The following PAPOLA variants were observed in gnomAD, a reference collection of about 807,000 sequenced individuals.
The protein encoded by PAPOLA is polynucleotide adenylyltransferase alpha.
Under a neutral mutation model 100.6 loss-of-function variants are expected in PAPOLA, and 15 were observed. The observed-to-expected ratio is 0.15, with a 90% CI of 0.10 to 0.23. PAPOLA has a LOEUF of 0.23. PAPOLA is among the 10% of genes least tolerant of loss of function. The pLI, the probability that PAPOLA is intolerant of heterozygous loss-of-function variation, is 1.00. For synonymous variants in PAPOLA, 293 were observed against 300.0 expected, an observed-to-expected ratio of 0.98 and a Z score of 0.24; for missense variants, 533 against 884.2, an observed-to-expected ratio of 0.60 and a Z score of 5.04.
intron 13 of PAPOLA, 134 bp downstream of exon 13, chr14:96,542,430 C>A: frequency 1.6e-6 from 1 of 622,260 alleles, no homozygotes; most frequent in Non-Finnish European, 2.8e-6. Flanking sequence ...TGGAGCTTTA[C>A]TGTGTGTAGT....
At chr14:96,550,501 T>A (rs951944654) in intron 16 of PAPOLA, among the ~76,000 whole-genome samples, 1 of 152,192 alleles carries the variant, frequency 6.6e-6, no homozygotes, top group Non-Finnish European at 1.5e-5. Flanking sequence ...GTCCAAAAAT[T>A]CTATCAGATG....
intron 6 of PAPOLA, among the ~76,000 whole-genome samples, chr14:96,528,524 C>A (rs984372685): frequency 6.6e-6 from 1 of 152,120 alleles, no homozygotes; most frequent in Non-Finnish European, 1.5e-5. Flanking sequence ...TTTAGTAATT[C>A]ATTACTTTTG....
At chr14:96,524,162 T>C (rs997800321) in intron 3 of PAPOLA, among the ~76,000 whole-genome samples, 1 of 152,090 alleles carries the variant, frequency 6.6e-6, no homozygotes, top group Non-Finnish European at 1.5e-5. Flanking sequence ...AGATATTTTA[T>C]TATACTGAGG....
intron 15 of PAPOLA, among the ~76,000 whole-genome samples, chr14:96,545,497 A>G (rs1900323100): frequency 6.6e-6 from 1 of 152,114 alleles, no homozygotes; most frequent in Non-Finnish European, 1.5e-5. Context: ...TGATTTTGAT[A>G]TGCTTGGTGG....
intron 3 of PAPOLA, among the ~76,000 whole-genome samples, chr14:96,522,122 T>C (rs1340412035): frequency 2.5e-4 from 32 of 127,366 alleles, no homozygotes; most frequent in African/African-American, 9.7e-4. Context: ...CTTTCTTTTT[T>C]TTTTTTTTTT....
rs577260419 is a variant in PAPOLA at position 96,523,166 on chromosome 14, C to T, written c.249+2094C>T. 3.6e-4 allele frequency among the ~76,000 whole-genome samples: 54 copies of T among 151,838 alleles called. 1 individual carries two copies. In the South Asian group the frequency reaches 4.2e-3, roughly 12 times the overall value. ...TTTTTGGTTTGTTTGACATCTAATA[C>T]TCTTCACTTAAAAATGAAAAAAAGA... On this transcript the variant is annotated intron_variant, in intron 3 of 21. Transcript: ENST00000216277.
rs561746907 is a variant in PAPOLA at position 96,520,868 on chromosome 14, G to A, written c.183-138G>A. The A allele has an allele frequency of 2.5e-3, 1,440 of 584,728 alleles. 5 individuals carry two copies. The highest frequency in any genetic ancestry group is 4.1e-3 in the Non-Finnish European group (1,299 of 318,350). 36.2% of individuals were successfully genotyped at this position (584,728 alleles called of 1,614,324 possible). A position where few individuals can be genotyped will look rare whatever the true frequency, so the allele number is the denominator to read the frequency against. On this transcript the variant is annotated intron_variant, in intron 2 of 21. Coordinates refer to ENST00000216277, the MANE Select transcript of PAPOLA (RefSeq NM_032632.5). ...AGAGAAAGCGAGAGAGAGAGCGAGCGAGCGTGCACTAACTACAATATACTG... is the reference window on the plus strand; with the variant it reads ...AGAGAAAGCGAGAGAGAGAGCGAGCAAGCGTGCACTAACTACAATATACTG...
chr14:96,533,623 T>C (rs1247807451), intron 9 of PAPOLA: 14 of 645,886 alleles, frequency 2.2e-5, no homozygotes, highest in Non-Finnish European at 2.7e-5. Context: ...GGCACGATCT[T>C]GGCTCACTGC....
At chr14:96,543,500 A>G (rs1213296927) in intron 14 of PAPOLA, among the ~76,000 whole-genome samples, 1 of 152,108 alleles carries the variant, frequency 6.6e-6, no homozygotes, top group African/African-American at 2.4e-5. Context: ...ATAAAGCAGC[A>G]TTAAAACAAG....
intron 12 of PAPOLA, among the ~76,000 whole-genome samples, chr14:96,539,390 G>A (rs1335312786): frequency 6.6e-6 from 1 of 152,044 alleles, no homozygotes; most frequent in Non-Finnish European, 1.5e-5. Context: ...GTACATCTGA[G>A]TTATGATCTT....
intron 3 of PAPOLA, among the ~76,000 whole-genome samples, chr14:96,523,205 A>G (rs1355885607): frequency 1.3e-5 from 2 of 152,176 alleles, no homozygotes; most frequent in Non-Finnish European, 2.9e-5. Context: ...TGCAAGTGAA[A>G]ATGTTTTTCC....
intron 1 of PAPOLA, among the ~76,000 whole-genome samples, chr14:96,511,292 G>A (rs1233430105): frequency 1.3e-5 from 2 of 152,114 alleles, no homozygotes; most frequent in Non-Finnish European, 2.9e-5. Flanking sequence ...GGGCTGTGGT[G>A]GCTCATGCCC....
intron 1 of PAPOLA, among the ~76,000 whole-genome samples, chr14:96,508,057 G>A (rs1037958559): frequency 3.3e-5 from 5 of 152,056 alleles, no homozygotes; most frequent in Admixed American, 3.3e-4. Flanking sequence ...TGTATTTTTA[G>A]TAGAGACAGA....
intron 12 of PAPOLA, 28 bp from the exon 13 acceptor site, chr14:96,542,214 TA>T: frequency 6.9e-7 from 1 of 1,444,276 alleles, no homozygotes; most frequent in Non-Finnish European, 9.7e-7. Flanking sequence ...GTAAATAAAA[TA>T]AATAGCATGT....
chr14:96,531,362 T>C, intron 6 of PAPOLA, 113 bp from the exon 7 acceptor site: 1 of 748,636 alleles, frequency 1.3e-6, no homozygotes, highest in Non-Finnish European at 2.2e-6. Context: ...GCTCAAGTGT[T>C]CCACCTGCCT....
intron 1 of PAPOLA, among the ~76,000 whole-genome samples, chr14:96,519,043 C>G (rs532552920): frequency 6.6e-6 from 1 of 151,822 alleles, no homozygotes; most frequent in African/African-American, 2.4e-5. Flanking sequence ...GGTGACAGAG[C>G]GAGACTCCAT....
chr14:96,524,119 G>A (rs377499125), intron 3 of PAPOLA, among the ~76,000 whole-genome samples: 1 of 151,952 alleles, frequency 6.6e-6, no homozygotes, highest in African/African-American at 2.4e-5. Flanking sequence ...TGAGAGGAAG[G>A]GGGGTGGTCT....
At chr14:96,517,531 A>G (rs1036111409) in intron 1 of PAPOLA, among the ~76,000 whole-genome samples, 1 of 152,186 alleles carries the variant, frequency 6.6e-6, no homozygotes, top group African/African-American at 2.4e-5. Context: ...TACGTTCAGT[A>G]GTTTTGGTAT....
At chr14:96,503,475 A>T (rs1896481871) in intron 1 of PAPOLA, among the ~76,000 whole-genome samples, 1 of 150,862 alleles carries the variant, frequency 6.6e-6, no homozygotes, top group Non-Finnish European at 1.5e-5. Flanking sequence ...CTTTCTGATA[A>T]TGAGATATAA....
Sources: gnomAD v4.1 joint callset for allele counts (sites outside exome capture counted in the v4.1 genomes callset) on GRCh38, gnomAD v4.1.1 for gene constraint, MANE v1.5 for transcripts, NCBI Gene and HGNC (gene_info 2026-07-23, HGNC 2026-07-21) for gene names.